The following CFAP251 variants were observed in gnomAD, a reference collection of about 807,000 sequenced individuals.
CFAP251 encodes cilia and flagella associated protein 251.
In CFAP251, 93 loss-of-function variants were observed where a neutral mutation model predicts 126.7. The observed-to-expected ratio is 0.73, with a 90% CI of 0.62 to 0.87. CFAP251 has a LOEUF of 0.87. Ranked by LOEUF, CFAP251 falls within the 40% of genes least tolerant of loss-of-function variation. The pLI is 0.00. For missense variants in CFAP251, 1,287 were observed against 1,389.2 expected (o/e 0.93, Z 1.17); for synonymous variants, 503 against 506.9 (o/e 0.99, Z 0.10).
intron 5 of CFAP251, among the ~76,000 whole-genome samples, chr12:121,936,104 G>T (rs1171994509): frequency 2.0e-5 from 3 of 152,172 alleles, no homozygotes; most frequent in Non-Finnish European, 4.4e-5. Context: ...ATGAGAGGGG[G>T]CCTTTGGGAA....
At chr12:121,963,814 G>GCAA (rs1412490948) in intron 15 of CFAP251, among the ~76,000 whole-genome samples, 4 of 151,270 alleles carry the variant, frequency 2.6e-5, no homozygotes, top group Non-Finnish European at 5.9e-5. Context: ...CTTGACCCTT[G>GCAA]ACCCTAGCCC....
intron 19 of CFAP251, among the ~76,000 whole-genome samples, chr12:121,988,845 C>G (rs1442481431): frequency 1.3e-5 from 2 of 151,270 alleles, no homozygotes; most frequent in East Asian, 3.9e-4. Context: ...AAGTGATTCT[C>G]CCACCTCAGC....
chr12:121,931,858 T>C lies in CFAP251; in HGVS notation c.860T>C (p.Val287Ala). 2 of 1,590,926 alleles carry C rather than the reference T, an allele frequency of 1.3e-6. No individual in the cohort carries two copies. Among genetic ancestry groups the C allele is most frequent in the Non-Finnish European group, 1.7e-6 (2 of 1,170,174 alleles). The change falls in exon 4 of 22, where the codon GTG (valine) becomes GCG (alanine). Residue 287 changes from valine (V) to alanine (A), a missense_variant. By Grantham distance (64) the Val-to-Ala change is moderately conservative. Coordinates refer to ENST00000288912, the MANE Select transcript of CFAP251 (RefSeq NM_144668.6). ...VCAHTAIIYN[V>A]FRNNQYHLQG... ...GCTCACACTGCGATCATCTACAACG[T>C]GTTCAGGAACAATCAATACCACCTT... is the stretch of plus-strand genomic sequence containing the variant.
Position 122,001,570 on chromosome 12 carries a change from A to T in CFAP251, c.3309A>T (p.Lys1103Asn). 1 of 1,614,048 alleles carries T rather than the reference A, an allele frequency of 6.2e-7. No individual in the cohort carries two copies. Among genetic ancestry groups the T allele is most frequent in the Non-Finnish European group, 8.5e-7 (1 of 1,180,014 alleles). ...TTGGCCTGAATCCCGAGGGATGGAAATCCGAGCCTGCAACCTGCTCCGTCA... is the reference window on the plus strand; with the variant it reads ...TTGGCCTGAATCCCGAGGGATGGAATTCCGAGCCTGCAACCTGCTCCGTCA... ...SLFGLNPEGW[K>N]SEPATCSVKG... The change falls in exon 21 of 22, where the codon AAA becomes AAT. Residue 1103 changes from lysine (K) to asparagine (N), a missense_variant. Transcript: ENST00000288912.
intron 1 of CFAP251, among the ~76,000 whole-genome samples, chr12:121,920,656 A>G (rs1298613044): frequency 1.3e-5 from 2 of 151,916 alleles, no homozygotes; most frequent in Non-Finnish European, 2.9e-5. Context: ...TCAGCCTCCC[A>G]AAGTGCTGGG....
intron 5 of CFAP251, among the ~76,000 whole-genome samples, chr12:121,942,278 C>T (rs557767891): frequency 1.8e-4 from 28 of 152,328 alleles, no homozygotes; most frequent in East Asian, 3.9e-4. Context: ...CCGGCCGTTT[C>T]ATATGAGTGG....
At chr12:121,923,125 C>T (rs1285961651) in intron 2 of CFAP251, among the ~76,000 whole-genome samples, 2 of 151,480 alleles carry the variant, frequency 1.3e-5, no homozygotes, top group African/African-American at 2.4e-5. Flanking sequence ...TCCCCCTCCC[C>T]TCCCCTCTCC....
chr12:121,960,670 A>T lies in CFAP251; in HGVS notation c.2219A>T (p.His740Leu), dbSNP rs938643914. 6.2e-7 allele frequency: 1 copy of T among 1,614,004 alleles called. No individual in the cohort carries two copies. Among genetic ancestry groups the T allele is most frequent in the Admixed American group, 1.7e-5 (1 of 60,028 alleles). The change falls in exon 14 of 22, where the codon CAT becomes CTT. Residue 740 changes from histidine to leucine, a missense_variant. Coordinates refer to ENST00000288912, the MANE Select transcript of CFAP251 (RefSeq NM_144668.6). ...VWEYLARLRS[H>L]RKSIRSLLFG... The stretch of plus-strand genomic sequence containing the variant: ...GAGTACTTAGCAAGACTTCGCTCTC[A>T]TCGCAAAAGCATTCGAAGTCTCCTG...
chr12:121,956,071 T>A (rs1881717166), intron 10 of CFAP251, among the ~76,000 whole-genome samples: 1 of 152,214 alleles, frequency 6.6e-6, no homozygotes, highest in Non-Finnish European at 1.5e-5. Flanking sequence ...ATTAGAATTA[T>A]GTCAAAGTCT....
At chr12:121,939,855 G>T (rs1881040406) in intron 5 of CFAP251, among the ~76,000 whole-genome samples, 1 of 152,080 alleles carries the variant, frequency 6.6e-6, no homozygotes, top group South Asian at 2.1e-4. Flanking sequence ...CCTTTGAAGA[G>T]GCTTTGATTA....
At chr12:121,966,587 C>CTT (rs555396249) in intron 15 of CFAP251, among the ~76,000 whole-genome samples, 5 of 123,504 alleles carry the variant, frequency 4.0e-5, no homozygotes, top group Admixed American at 8.3e-5. Context: ...ACCAAAGAGT[C>CTT]TTTTTTTTTT....
chr12:121,976,644 G>A (rs750950635), intron 19 of CFAP251, among the ~76,000 whole-genome samples: 9 of 152,170 alleles, frequency 5.9e-5, no homozygotes, highest in East Asian at 1.9e-4. Context: ...GGCAGCTCAC[G>A]CCTATAATCC....
chr12:121,939,286 C>T (rs1460800118), intron 5 of CFAP251, among the ~76,000 whole-genome samples: 3 of 152,118 alleles, frequency 2.0e-5, no homozygotes, highest in African/African-American at 7.2e-5. Flanking sequence ...TAGGGCCCTG[C>T]AGACACTTCC....
At chr12:121,958,888 A>G in intron 12 of CFAP251, 55 bp from the exon 13 acceptor site, 2 of 1,531,782 alleles carry the variant, frequency 1.3e-6, no homozygotes, top group Non-Finnish European at 1.8e-6. Context: ...CACAGACTCA[A>G]CATCTCTTGA....
chr12:121,970,371 C>A (rs576176962), intron 17 of CFAP251, among the ~76,000 whole-genome samples: 1 of 152,288 alleles, frequency 6.6e-6, no homozygotes, highest in South Asian at 2.1e-4. Context: ...AGCAGAGAGA[C>A]CCCGATTCGA....
chr12:121,937,814 C>T (rs1880951203), intron 5 of CFAP251, among the ~76,000 whole-genome samples: 1 of 152,194 alleles, frequency 6.6e-6, no homozygotes, highest in Non-Finnish European at 1.5e-5. Flanking sequence ...TCTGTGGCAT[C>T]TAACACTTCA....
chr12:121,984,521 A>G (rs146538444), intron 19 of CFAP251, among the ~76,000 whole-genome samples: 1 of 152,060 alleles, frequency 6.6e-6, no homozygotes, highest in African/African-American at 2.4e-5. Flanking sequence ...TTAGCCAGGA[A>G]GGTCTCAATC....
chr12:121,946,979 C>G (rs1201357309), intron 7 of CFAP251, among the ~76,000 whole-genome samples: 1 of 152,148 alleles, frequency 6.6e-6, no homozygotes, highest in African/African-American at 2.4e-5. Flanking sequence ...GATGTTATAT[C>G]TCTTCTCAGT....
At position 121,921,523 on chromosome 12, in the gene CFAP251, T is replaced by C. The variant is rs200803994; in HGVS notation, c.218T>C (p.Val73Ala). The change falls in exon 2 of 22, where the codon GTC (valine) becomes GCC (alanine). Residue 73 changes from valine (V) to alanine (A), a missense_variant. Coordinates refer to ENST00000288912, the MANE Select transcript of CFAP251 (RefSeq NM_144668.6). ...EEEGKEDKKI[V>A]MEETEEKAGE... The stretch of plus-strand genomic sequence containing the variant: ...GAGGGGAAGGAGGACAAAAAGATTG[T>C]CATGGAAGAAACTGAGGAAAAGGCT... The C allele has an allele frequency of 1.4e-5, 18 of 1,307,428 alleles. No homozygotes were observed. The East Asian group carries it at 4.8e-4, about 35-fold the overall frequency. 81.0% of individuals were successfully genotyped at this position (1,307,428 alleles called of 1,614,324 possible). A position where few individuals can be genotyped will look rare whatever the true frequency, so the allele number is the denominator to read the frequency against.
Sources: allele counts gnomAD v4.1 joint callset (sites outside exome capture counted in the v4.1 genomes callset), GRCh38; gene constraint gnomAD v4.1.1; transcripts MANE v1.5; gene names NCBI Gene and HGNC (gene_info 2026-07-23, HGNC 2026-07-21).